RBMS2: variants seen among roughly 807,000 people sequenced by gnomAD.
The protein encoded by RBMS2 is RNA-binding motif, single-stranded-interacting protein 2.
RBMS2 carries 38 observed loss-of-function variants against 58.4 expected under a neutral mutation model. The ratio of observed to expected loss-of-function variants is 0.65; its 90% confidence interval spans 0.50 to 0.85. The LOEUF is 0.85. Ranked by LOEUF, RBMS2 falls within the 40% of genes least tolerant of loss-of-function variation. The pLI is 0.00. For synonymous variants in RBMS2, 151 were observed against 180.7 expected (o/e 0.84, Z 1.32); for missense variants, 367 against 503.7 (o/e 0.73, Z 2.60).
At position 56,571,802 on chromosome 12, in the gene RBMS2, C is replaced by T. The variant is rs750932367; in HGVS notation, c.489C>T (p.Ser163=). 34 of 1,598,048 alleles carry T rather than the reference C, an allele frequency of 2.1e-5. No individual in the cohort carries two copies. The highest frequency in any genetic ancestry group is 2.8e-5 in the Non-Finnish European group (33 of 1,170,902). ...TGAAGCCCTTTGGCCAGGTTATCTCCACCCGTATCCTTCGAGATACCAGTG... is the reference window on the plus strand; with the variant it reads ...TGAAGCCCTTTGGCCAGGTTATCTCTACCCGTATCCTTCGAGATACCAGTG... ...GMLKPFGQVI[S]TRILRDTSGT... Residue 163 remains serine, a synonymous_variant, in exon 5 of 14, where the codon TCC becomes TCT. Transcript: ENST00000262031.
Position 56,581,484 on chromosome 12 carries a change from G to T in RBMS2, c.708G>T (p.Arg236=). 6.2e-7 allele frequency: 1 copy of T among 1,614,202 alleles called. No homozygotes were observed. The highest frequency in any genetic ancestry group is 1.1e-5 in the South Asian group (1 of 91,082). ...QNQGKFVQNG[R]AWPRNADMGV... Reference sequence around the variant, plus strand: ...AAGGAAAATTTGTGCAAAATGGACGGGCTTGGCCAAGGAATGCAGACATGG... The same window carrying T: ...AAGGAAAATTTGTGCAAAATGGACGTGCTTGGCCAAGGAATGCAGACATGG... The change falls in exon 7 of 14, where the codon CGG becomes CGT. Residue 236 remains arginine, a synonymous_variant. Transcript: ENST00000262031.
At position 56,530,870 on chromosome 12, in the gene RBMS2, A is replaced by G. The variant is rs370249635; in HGVS notation, c.66+8781A>G. 1.5e-4 allele frequency among the ~76,000 whole-genome samples: 22 copies of G among 151,680 alleles called. 1 individual carries two copies. In the East Asian group the frequency reaches 4.1e-3, roughly 28 times the overall value. On this transcript the variant is annotated intron_variant, in intron 1 of 13. Coordinates refer to ENST00000262031, the MANE Select transcript of RBMS2 (RefSeq NM_002898.4). Reference sequence around the variant, plus strand: ...GCCTTTCGTTTCATTTGTTTACTTCACTCATATTACTTAGGTTTATTGAGC... The same window carrying G: ...GCCTTTCGTTTCATTTGTTTACTTCGCTCATATTACTTAGGTTTATTGAGC...
Position 56,541,125 on chromosome 12 carries a change from C to G in RBMS2, c.66+19036C>G, listed in dbSNP as rs116051168. 4.8e-3 allele frequency among the ~76,000 whole-genome samples: 707 copies of G among 148,662 alleles called. 4 individuals carry two copies. Among genetic ancestry groups the G allele is most frequent in the African/African-American group, 0.017 (677 of 40,688 alleles). ...CAAAAAAAAAAAAAAACCCCAAAAC[C>G]GCTAAGTCTCTGCGACTTTTGAGCC... On this transcript the variant is annotated intron_variant, in intron 1 of 13. Coordinates refer to ENST00000262031, the MANE Select transcript of RBMS2 (RefSeq NM_002898.4).
intron 5 of RBMS2, among the ~76,000 whole-genome samples, chr12:56,576,212 C>T (rs1883107281): frequency 6.6e-6 from 1 of 151,962 alleles, no homozygotes; most frequent in Admixed American, 6.6e-5. Context: ...TAGTGTGCAC[C>T]TGTAGTCCCA....
intron 1 of RBMS2, among the ~76,000 whole-genome samples, chr12:56,534,157 G>A (rs1033013293): frequency 2.0e-5 from 3 of 151,204 alleles, no homozygotes; most frequent in Admixed American, 1.3e-4. Flanking sequence ...GTGTTTTCAC[G>A]ATTCATTCAT....
intron 5 of RBMS2, among the ~76,000 whole-genome samples, chr12:56,573,476 C>CAAAAAAAAAAAAAA: frequency 1.7e-5 from 1 of 59,682 alleles, no homozygotes; most frequent in Non-Finnish European, 2.9e-5. Flanking sequence ...GACGCCATCT[C>CAAAAAAAAAAAAAA]AAAAAAAAAA....
At position 56,545,692 on chromosome 12, in the gene RBMS2, T is replaced by C. The variant is rs1392124106; in HGVS notation, c.67-16725T>C. On this transcript the variant is annotated intron_variant, in intron 1 of 13. Transcript: ENST00000262031. ...TGGAATCATGCAACATGTGGTCCTT[T>C]GTGATTGGCTTCTGTCTCTTTGCAT... Among the ~76,000 whole-genome samples, 3 of 152,200 alleles carry C rather than the reference T, an allele frequency of 2.0e-5. No homozygotes were observed. In the East Asian group the frequency reaches 5.8e-4, roughly 29 times the overall value.
intron 1 of RBMS2, among the ~76,000 whole-genome samples, chr12:56,531,874 T>C (rs1873804940): frequency 2.0e-5 from 3 of 151,132 alleles, no homozygotes. Flanking sequence ...GGATTGGTAA[T>C]GTTTATAATC....
intron 5 of RBMS2, among the ~76,000 whole-genome samples, chr12:56,579,294 T>G (rs1439712898): frequency 6.6e-6 from 1 of 152,142 alleles, no homozygotes; most frequent in Non-Finnish European, 1.5e-5. Context: ...CGATACCTAA[T>G]GTGTGGTTTT....
intron 1 of RBMS2, among the ~76,000 whole-genome samples, chr12:56,548,419 C>G (rs1877654689): frequency 7.0e-6 from 1 of 142,268 alleles, no homozygotes. Context: ...TGCACTCCAG[C>G]CTGGGCAACA....
At chr12:56,533,737 A>G (rs1874241696) in intron 1 of RBMS2, among the ~76,000 whole-genome samples, 1 of 152,054 alleles carries the variant, frequency 6.6e-6, no homozygotes. Flanking sequence ...TTTTAAAAAC[A>G]TAGTTTTAGT....
intron 1 of RBMS2, among the ~76,000 whole-genome samples, chr12:56,525,520 CATTT>C (rs1555186107): frequency 6.6e-6 from 1 of 151,948 alleles, no homozygotes; most frequent in South Asian, 2.1e-4. Flanking sequence ...CTGTCTGGCC[CATTT>C]ATTTATTTAT....
chr12:56,569,381 T>C (rs1280845130), intron 3 of RBMS2, among the ~76,000 whole-genome samples: 2 of 151,986 alleles, frequency 1.3e-5, no homozygotes, highest in Non-Finnish European at 2.9e-5. Context: ...AGTGTTTTGG[T>C]GGGTGTTATT....
chr12:56,587,846 G>C (rs1217167572), intron 11 of RBMS2, 182 bp downstream of exon 11: 2 of 525,522 alleles, frequency 3.8e-6, no homozygotes, highest in African/African-American at 2.1e-5. Context: ...CAGCCATTCT[G>C]CTCCCCAGCC....
chr12:56,527,510 G>A, intron 1 of RBMS2, among the ~76,000 whole-genome samples: 1 of 152,080 alleles, frequency 6.6e-6, no homozygotes, highest in Non-Finnish European at 1.5e-5. Context: ...TACTTGGGAG[G>A]CTGAGGCAGG....
At chr12:56,567,063 G>T (rs1005261816) in intron 2 of RBMS2, among the ~76,000 whole-genome samples, 2 of 152,018 alleles carry the variant, frequency 1.3e-5, no homozygotes, top group Non-Finnish European at 2.9e-5. Context: ...CTACTGCACA[G>T]AAATAATTTG....
intron 12 of RBMS2, 24 bp from the exon 13 acceptor site, chr12:56,588,908 C>T (rs1304060714): frequency 1.2e-6 from 2 of 1,611,452 alleles, no homozygotes; most frequent in African/African-American, 1.3e-5. Flanking sequence ...CGCAAGATGA[C>T]CCCCCTCCTT....
At chr12:56,566,136 A>C (rs1430872748) in intron 2 of RBMS2, among the ~76,000 whole-genome samples, 1 of 152,156 alleles carries the variant, frequency 6.6e-6, no homozygotes, top group Non-Finnish European at 1.5e-5. Flanking sequence ...CCCAGCTTTC[A>C]GGGCATTGCT....
In RBMS2 at chr12:56,587,004, G is replaced by A. The variant is rs544077643; in HGVS notation, c.951+78G>A. On this transcript the variant is annotated intron_variant, in intron 10 of 13. Coordinates refer to ENST00000262031, the MANE Select transcript of RBMS2 (RefSeq NM_002898.4). The stretch of plus-strand genomic sequence containing the variant: ...AAACTGGCTGGGCACTGTGGCTCAC[G>A]CCTGTAATCCCAGCACTTTGGGAGG... 60 of 1,421,238 alleles carry A rather than the reference G, an allele frequency of 4.2e-5. No homozygotes were observed. The Middle Eastern group carries it at 5.3e-4, about 12-fold the overall frequency. The allele number at this position is 1,421,238 out of a possible 1,614,324, so 88.0% of individuals were successfully genotyped here. A position where few individuals can be genotyped will look rare whatever the true frequency, so the allele number is the denominator to read the frequency against.
Sources: allele counts gnomAD v4.1 joint callset (sites outside exome capture counted in the v4.1 genomes callset), GRCh38; gene constraint gnomAD v4.1.1; transcripts MANE v1.5; gene names NCBI Gene and HGNC (gene_info 2026-07-23, HGNC 2026-07-21).